Variants in RYR3 observed in about 807,000 individuals in gnomAD.
The protein encoded by RYR3 is ryanodine receptor 3.
RYR3 carries 207 observed loss-of-function variants against 584.3 expected under a neutral mutation model. That is an observed-to-expected ratio of 0.35 (90% confidence interval 0.32 to 0.40). The LOEUF (loss-of-function observed/expected upper bound fraction) is 0.40, where lower values mean the gene tolerates loss of function less well. Ranked by LOEUF, RYR3 falls within the 10% of genes least tolerant of loss-of-function variation. The pLI is 1.00. For synonymous variants in RYR3, 2,416 were observed against 2,248.5 expected (o/e 1.07, Z -2.11); for missense variants, 5,616 against 6,089.2 (o/e 0.92, Z 2.59).
At chr15:33,839,774 G>A (rs1371862765) in intron 89 of RYR3, 1 of 152,196 alleles carries the variant, frequency 6.6e-6, no homozygotes, top group Non-Finnish European at 1.5e-5. Flanking sequence ...TGCTAGGAAG[G>A]AGAAATGTCA....
At chr15:33,530,745 T>A in intron 4 of RYR3, 79 bp downstream of exon 4, 1 of 995,724 alleles carries the variant, frequency 1.0e-6, no homozygotes, top group South Asian at 1.3e-5. Flanking sequence ...AAGCCAGCAA[T>A]AACAACGTAA....
chr15:33,541,308 G>T (rs1051931653), intron 7 of RYR3, among the ~76,000 whole-genome samples: 2 of 152,110 alleles, frequency 1.3e-5, no homozygotes, highest in Non-Finnish European at 2.9e-5. Flanking sequence ...CTCCATGCAG[G>T]CGAAGCACTT....
intron 49 of RYR3, among the ~76,000 whole-genome samples, chr15:33,737,820 G>A (rs1011802766): frequency 6.6e-6 from 1 of 152,110 alleles, no homozygotes; most frequent in African/African-American, 2.4e-5. Flanking sequence ...TCAAATCTGT[G>A]GGATTTTTCT....
intron 72 of RYR3, among the ~76,000 whole-genome samples, chr15:33,811,370 T>C (rs901939184): frequency 1.3e-5 from 2 of 151,936 alleles, no homozygotes; most frequent in African/African-American, 4.8e-5. Flanking sequence ...CCGGGCGTGG[T>C]GGCGGGCGCC....
chr15:33,549,725 T>C (rs928340494), intron 9 of RYR3, among the ~76,000 whole-genome samples: 10 of 152,242 alleles, frequency 6.6e-5, no homozygotes, highest in Admixed American at 5.2e-4. Flanking sequence ...GCTGTGCAGG[T>C]ATTTTTACTA....
In RYR3 at chr15:33,838,361, G is replaced by T; in HGVS notation, c.12381G>T (p.Ala4127=). ...ATTCTTCTTACGTGTTAGAAATTGC[G>T]GGTGAAGAGGAAGAAGACGGGTCTC... The part of the protein sequence containing the change: ...DEDSSYVLEI[A]GEEEEDGSLE... Residue 4127 remains alanine, a synonymous_variant, in exon 89 of 104, where the codon GCG becomes GCT. Transcript: ENST00000634891. The T allele has an allele frequency of 1.9e-6, 3 of 1,613,956 alleles. No individual in the cohort carries two copies. The highest frequency in any genetic ancestry group is 1.7e-6 in the Non-Finnish European group (2 of 1,179,872).
At chr15:33,813,681 T>C in intron 74 of RYR3, 102 bp downstream of exon 74, 1 of 965,286 alleles carries the variant, frequency 1.0e-6, no homozygotes, top group Non-Finnish European at 1.6e-6. Context: ...GAATAGAAAT[T>C]GGAATCCTTG....
intron 97 of RYR3, 65 bp downstream of exon 97, chr15:33,854,514 G>A: frequency 7.4e-7 from 1 of 1,352,566 alleles, no homozygotes; most frequent in African/African-American, 1.5e-5. Context: ...AGAGAAGCAA[G>A]CTATGCAGGA....
chr15:33,407,019 A>T (rs2043070391), intron 1 of RYR3, among the ~76,000 whole-genome samples: 3 of 152,228 alleles, frequency 2.0e-5, no homozygotes, highest in Non-Finnish European at 4.4e-5. Flanking sequence ...TATCTGGTGA[A>T]GATTGCTCTC....
chr15:33,853,918 G>A (rs1352599805), intron 96 of RYR3, among the ~76,000 whole-genome samples: 1 of 152,166 alleles, frequency 6.6e-6, no homozygotes, highest in Non-Finnish European at 1.5e-5. Context: ...GTTGGGCTGG[G>A]CGCAGTGGCT....
At chr15:33,526,986 C>A (rs1283698586) in intron 3 of RYR3, among the ~76,000 whole-genome samples, 1 of 152,072 alleles carries the variant, frequency 6.6e-6, no homozygotes, top group African/African-American at 2.4e-5. Context: ...GCATTTCAGA[C>A]AGAGGGAAAC....
intron 11 of RYR3, among the ~76,000 whole-genome samples, chr15:33,566,441 T>C (rs2057719605): frequency 6.6e-6 from 1 of 152,196 alleles, no homozygotes; most frequent in Non-Finnish European, 1.5e-5. Flanking sequence ...ACTCATACCA[T>C]GGTGGCACAT....
At chr15:33,843,439 T>C in intron 91 of RYR3, 49 bp from the exon 92 acceptor site, 1 of 1,341,336 alleles carries the variant, frequency 7.5e-7, no homozygotes, top group Non-Finnish European at 1.0e-6. Context: ...TAGGAAGTTC[T>C]CTTTTCCTTC....
intron 3 of RYR3, among the ~76,000 whole-genome samples, chr15:33,529,417 C>T (rs1182114045): frequency 1.3e-5 from 2 of 152,158 alleles, no homozygotes; most frequent in African/African-American, 2.4e-5. Flanking sequence ...TCCACACTAC[C>T]TGATTCCCTT....
chr15:33,739,987 C>T lies in RYR3; in HGVS notation c.7812C>T (p.Asn2604=). 1.2e-6 allele frequency: 2 copies of T among 1,613,706 alleles called. No individual in the cohort carries two copies. The highest frequency in any genetic ancestry group is 1.3e-5 in the African/African-American group (1 of 75,038). The stretch of plus-strand genomic sequence containing the variant: ...GCAACTTTGACCCAAAACCTATTAA[C>T]ACCATGAAGTGAGTCCAGAATCATC... ...ADGNFDPKPI[N]TMNFSLPEKL... The change falls in exon 51 of 104, where the codon AAC becomes AAT. Residue 2604 remains asparagine, a synonymous_variant. Coordinates refer to ENST00000634891, the MANE Select transcript of RYR3 (RefSeq NM_001036.6).
At chr15:33,804,209 T>A (rs1156764295) in intron 69 of RYR3, among the ~76,000 whole-genome samples, 1 of 152,228 alleles carries the variant, frequency 6.6e-6, no homozygotes, top group African/African-American at 2.4e-5. Flanking sequence ...TTCATTTCTG[T>A]TGTTGTCATA....
chr15:33,853,096 T>C lies in RYR3; in HGVS notation c.13671+9T>C, dbSNP rs777630807. The stretch of plus-strand genomic sequence containing the variant: ...AGTTTGTAAAGAGAAAGGTATGCCT[T>C]GTTAGTGGGGGTGAGTTCCGTGATC... On this transcript the variant is annotated intron_variant, in intron 95 of 103. Transcript: ENST00000634891. 36 of 1,585,930 alleles carry C rather than the reference T, an allele frequency of 2.3e-5. No homozygotes were observed. In the East Asian group the frequency reaches 4.3e-4, roughly 19 times the overall value.
chr15:33,670,351 G>A, intron 37 of RYR3, 68 bp from the exon 38 acceptor site: 1 of 1,543,628 alleles, frequency 6.5e-7, no homozygotes, highest in Non-Finnish European at 8.8e-7. Flanking sequence ...TTTTTTAAAT[G>A]TTCTTTGTGA....
At chr15:33,343,970 G>C (rs936792564) in intron 1 of RYR3, among the ~76,000 whole-genome samples, 13 of 152,186 alleles carry the variant, frequency 8.5e-5, no homozygotes, top group African/African-American at 3.1e-4. Flanking sequence ...AAAGATGGCA[G>C]CTTCTAGCAA....
Sources: allele counts gnomAD v4.1 joint callset (sites outside exome capture counted in the v4.1 genomes callset), GRCh38; gene constraint gnomAD v4.1.1; transcripts MANE v1.5; gene names NCBI Gene and HGNC (gene_info 2026-07-23, HGNC 2026-07-21).